Variants in HSD17B2 observed in about 807,000 individuals in gnomAD.
HSD17B2 encodes hydroxysteroid 17-beta dehydrogenase 2.
Under a neutral mutation model 26.9 loss-of-function variants are expected in HSD17B2, and 32 were observed. The ratio of observed to expected loss-of-function variants is 1.19; its 90% confidence interval spans 0.90 to 1.60. HSD17B2 has a LOEUF of 1.60. Ranked by LOEUF, HSD17B2 falls within the 40% of genes most tolerant of loss-of-function variation. The pLI is 0.00. For synonymous variants in HSD17B2, 246 were observed against 186.7 expected (o/e 1.32, Z -2.59); for missense variants, 613 against 468.6 (o/e 1.31, Z -2.85).
At chr16:82,045,338 A>C (rs1190720746) in intron 1 of HSD17B2, among the ~76,000 whole-genome samples, 1 of 152,012 alleles carries the variant, frequency 6.6e-6, no homozygotes, top group Non-Finnish European at 1.5e-5. Context: ...ATCTAAATGA[A>C]GATATTAGAC....
chr16:82,083,875 C>A (rs1315675952), intron 3 of HSD17B2, among the ~76,000 whole-genome samples: 1 of 152,102 alleles, frequency 6.6e-6, no homozygotes, highest in Non-Finnish European at 1.5e-5. Flanking sequence ...TAACCCAAAT[C>A]CCAGCAAGGC....
intron 1 of HSD17B2, among the ~76,000 whole-genome samples, chr16:82,050,743 C>T (rs904498640): frequency 2.6e-5 from 4 of 152,166 alleles, no homozygotes; most frequent in Admixed American, 2.6e-4. Flanking sequence ...TACAGGCTGG[C>T]TTCTTCTTCA....
intron 1 of HSD17B2, among the ~76,000 whole-genome samples, chr16:82,057,511 T>G (rs1914307063): frequency 6.6e-6 from 1 of 152,178 alleles, no homozygotes; most frequent in African/African-American, 2.4e-5. Flanking sequence ...TCCCCAGTTT[T>G]TAAGTGTGGC....
chr16:82,073,598 A>C (rs2143989246), intron 3 of HSD17B2, among the ~76,000 whole-genome samples: 1 of 152,272 alleles, frequency 6.6e-6, no homozygotes, highest in South Asian at 2.1e-4. Flanking sequence ...CATCTGAAAC[A>C]AAACTTGCTG....
chr16:82,068,382 G>C lies in HSD17B2; in HGVS notation c.478G>C (p.Gly160Arg), dbSNP rs199522661. Residue 160 changes from glycine to arginine, a missense_variant and splice_region_variant, in exon 2 of 5, where the codon GGA (glycine) becomes CGA (arginine). By Grantham distance (125) the Gly-to-Arg change is moderately radical (BLOSUM62 -2). Coordinates refer to ENST00000199936, the MANE Select transcript of HSD17B2 (RefSeq NM_002153.3). Reference protein sequence around the residue: ...SKVAAMLQDRGLWAVINNAGV... With the variant: ...SKVAAMLQDRRLWAVINNAGV... ...GGTTGCAGCAATGCTGCAGGACAGA[G>C]GTACTGCCGCCAGCACCCTCAGTGC... is the stretch of plus-strand genomic sequence containing the variant. The C allele has an allele frequency of 1.4e-5, 22 of 1,608,128 alleles. No individual in the cohort carries two copies. The highest frequency in any genetic ancestry group is 1.7e-5 in the Non-Finnish European group (20 of 1,177,558).
Position 82,091,086 on chromosome 16 carries a change from C to T in HSD17B2, c.802+47C>T, listed in dbSNP as rs186727318. On this transcript the variant is annotated intron_variant, in intron 4 of 4. Transcript: ENST00000199936. Reference sequence around the variant, plus strand: ...CCTGTGATGTTCATCCTGGAAGGAACCCCGAAGGTCCTCTTGGTCTGACAG... The same window carrying T: ...CCTGTGATGTTCATCCTGGAAGGAATCCCGAAGGTCCTCTTGGTCTGACAG... 1.0e-5 allele frequency: 16 copies of T among 1,587,446 alleles called. No individual in the cohort carries two copies. In the African/African-American group the frequency reaches 1.7e-4, roughly 17 times the overall value.
intron 3 of HSD17B2, chr16:82,090,382 A>G (rs1904655212): frequency 7.1e-6 from 1 of 139,928 alleles, no homozygotes; most frequent in African/African-American, 3.2e-5. Flanking sequence ...CAGTGGCGTG[A>G]TCCCAGCTCA....
rs139808353 is a variant in HSD17B2, at chr16:82,035,483, G to A, written c.59G>A (p.Cys20Tyr). 1.8e-4 allele frequency: 291 copies of A among 1,613,954 alleles called. No homozygotes were observed. The African/African-American group carries it at 3.1e-3, about 17-fold the overall frequency. ...TGCCTGGCTGTCCCCACAGTACTATGTGGGACAGTATTTTGCAAATACAAG... is the reference window on the plus strand; with the variant it reads ...TGCCTGGCTGTCCCCACAGTACTATATGGGACAGTATTTTGCAAATACAAG... ...WICLAVPTVL[C>Y]GTVFCKYKKS... The change falls in exon 1 of 5, where the codon TGT becomes TAT. Residue 20 changes from cysteine (C) to tyrosine (Y), a missense_variant. Physicochemically the swap from Cys to Tyr is radical, Grantham distance 194. Coordinates refer to ENST00000199936, the MANE Select transcript of HSD17B2 (RefSeq NM_002153.3).
intron 1 of HSD17B2, among the ~76,000 whole-genome samples, chr16:82,038,654 G>C (rs1242321927): frequency 6.6e-6 from 1 of 152,200 alleles, no homozygotes; most frequent in African/African-American, 2.4e-5. Context: ...AAGACACACA[G>C]GCTTGGGTTT....
chr16:82,067,260 T>C lies in HSD17B2; in HGVS notation c.266-910T>C, dbSNP rs8191130. On this transcript the variant is annotated intron_variant, in intron 1 of 4. Coordinates refer to ENST00000199936, the MANE Select transcript of HSD17B2 (RefSeq NM_002153.3). ...CTGCAGGAGTCCAAGGAAGATCACA[T>C]GACACAGGCAATGTGAAATACTTTC... 9.5e-3 allele frequency among the ~76,000 whole-genome samples: 1,449 copies of C among 152,358 alleles called. 15 individuals are homozygous for C. Among genetic ancestry groups the C allele is most frequent in the African/African-American group, 0.033 (1,381 of 41,578 alleles).
At chr16:82,081,275 GT>G (rs35417845) in intron 3 of HSD17B2, among the ~76,000 whole-genome samples, 14,700 of 152,134 alleles carry the variant, frequency 0.097, 1,210 homozygotes, top group Admixed American at 0.24. Context: ...AACTGAAGCT[GT>G]TCCCGCATGA....
chr16:82,094,408 T>C (rs72563161), intron 4 of HSD17B2: 2 of 152,238 alleles, frequency 1.3e-5, no homozygotes, highest in Non-Finnish European at 1.5e-5. Context: ...GCAGGTTTCA[T>C]TGACATTATT....
chr16:82,039,365 G>C (rs1217233872), intron 1 of HSD17B2, among the ~76,000 whole-genome samples: 2 of 151,938 alleles, frequency 1.3e-5, no homozygotes, highest in Non-Finnish European at 2.9e-5. Context: ...GAGAGAGAGA[G>C]AGAGAGAATG....
At chr16:82,081,162 G>A (rs1203503169) in intron 3 of HSD17B2, among the ~76,000 whole-genome samples, 1 of 152,076 alleles carries the variant, frequency 6.6e-6, no homozygotes, top group African/African-American at 2.4e-5. Context: ...TGCCCTCCTT[G>A]GAAGGCAAGA....
At chr16:82,035,908 A>C (rs1349760646) in intron 1 of HSD17B2, among the ~76,000 whole-genome samples, 1 of 152,140 alleles carries the variant, frequency 6.6e-6, no homozygotes, top group East Asian at 1.9e-4. Context: ...GATGAAGTGC[A>C]CCCAGACAAT....
chr16:82,064,294 C>T (rs546327065), intron 1 of HSD17B2, among the ~76,000 whole-genome samples: 1 of 152,334 alleles, frequency 6.6e-6, no homozygotes, highest in South Asian at 2.1e-4. Flanking sequence ...GCTTCTTTCA[C>T]TCAGTGTAAT....
intron 3 of HSD17B2, among the ~76,000 whole-genome samples, chr16:82,086,467 G>A (rs1904529956): frequency 6.6e-6 from 1 of 152,164 alleles, no homozygotes; most frequent in Non-Finnish European, 1.5e-5. Flanking sequence ...ATATCACAAT[G>A]TAAAGGAAAT....
chr16:82,092,522 C>T (rs929074805), intron 4 of HSD17B2: 5 of 152,182 alleles, frequency 3.3e-5, no homozygotes, highest in African/African-American at 7.2e-5. Context: ...AAAATCTATA[C>T]AGAAATATTG....
chr16:82,093,044 T>A (rs1254590580), intron 4 of HSD17B2: 1 of 151,524 alleles, frequency 6.6e-6, no homozygotes, highest in African/African-American at 2.4e-5. Context: ...CCACTTACCA[T>A]ACATTCTTTA....
Sources: gnomAD v4.1 joint callset for allele counts (sites outside exome capture counted in the v4.1 genomes callset) on GRCh38, gnomAD v4.1.1 for gene constraint, MANE v1.5 for transcripts, NCBI Gene and HGNC (gene_info 2026-07-23, HGNC 2026-07-21) for gene names.